The following NECAB2 variants were observed in gnomAD, a reference collection of about 807,000 sequenced individuals.
NECAB2 encodes the protein N-terminal EF-hand calcium-binding protein 2.
In NECAB2, 68 loss-of-function variants were observed where a neutral mutation model predicts 51.9. The observed-to-expected ratio is 1.31, with a 90% confidence interval of 1.08 to 1.60. The LOEUF is 1.60. Ranked by LOEUF, NECAB2 falls within the 40% of genes most tolerant of loss-of-function variation. The probability of loss-of-function intolerance (pLI) is 0.00; values close to 1 mark genes in which losing one functional copy is unlikely to be tolerated. For missense variants in NECAB2, 854 were observed against 490.3 expected (o/e 1.74, Z -7.00); for synonymous variants, 329 against 203.5 (o/e 1.62, Z -5.25).
Position 84,001,882 on chromosome 16 carries a change from C to T in NECAB2, c.1098C>T (p.Ser366=), listed in dbSNP as rs2084844306. ...AFRHVKVDTL[S]QPEALSRILV... is the part of the protein sequence containing the mutation. The stretch of plus-strand genomic sequence containing the variant: ...GGCACGTCAAGGTGGACACACTGAG[C>T]CAGCCTGAGGCCCTCTCCAGGATCT... Residue 366 remains serine, a synonymous_variant, in exon 12 of 13, where the codon AGC becomes AGT. Coordinates refer to ENST00000305202, the MANE Select transcript of NECAB2 (RefSeq NM_019065.3). 6.2e-7 allele frequency: 1 copy of T among 1,614,056 alleles called. No homozygotes were observed. Among genetic ancestry groups the T allele is most frequent in the Non-Finnish European group, 8.5e-7 (1 of 1,179,928 alleles).
intron 11 of NECAB2, among the ~76,000 whole-genome samples, chr16:84,001,094 T>A (rs1367127156): frequency 1.3e-5 from 2 of 152,088 alleles, no homozygotes; most frequent in African/African-American, 4.8e-5. Context: ...GCCGAGGCAC[T>A]GCCTTCTTTA....
upstream of NECAB2, chr16:83,965,307 C>T (rs749155699): frequency 6.9e-6 from 11 of 1,591,404 alleles, no homozygotes; most frequent in African/African-American, 1.3e-5. Context: ...GTGGTCCTCG[C>T]CACAGGCACG....
chr16:84,001,801 C>G (rs764210569), intron 11 of NECAB2, 24 bp from the exon 12 acceptor site: 12 of 1,613,236 alleles, frequency 7.4e-6, no homozygotes, highest in East Asian at 2.2e-5. Context: ...CCACCCCTGA[C>G]TCACACATGT....
At chr16:83,997,072 C>T (rs1355597834) in intron 8 of NECAB2, 144 bp from the exon 9 acceptor site, 2 of 818,094 alleles carry the variant, frequency 2.4e-6, no homozygotes, top group Admixed American at 2.6e-5. Flanking sequence ...GTCTCTGCCA[C>T]TTCCTAGCGT....
chr16:83,991,351 T>C (rs987891371), intron 6 of NECAB2, among the ~76,000 whole-genome samples: 21 of 145,282 alleles, frequency 1.4e-4, no homozygotes, highest in East Asian at 5.8e-4. Context: ...TTTTTCTATT[T>C]CCTTTTCTTT....
At chr16:83,999,215 T>C (rs1454267255) in intron 10 of NECAB2, among the ~76,000 whole-genome samples, 2 of 152,088 alleles carry the variant, frequency 1.3e-5, no homozygotes, top group African/African-American at 2.4e-5. Context: ...AGTGCGGCCG[T>C]TCCCGAGACT....
In NECAB2 at chr16:83,994,703, G is replaced by A. The variant is rs1229877814; in HGVS notation, c.795+15G>A. ...TGGAGAGCAAAGTAAGCCCTGGCCTGACCACGGCGTCTACTCCTTCCAACC... is the reference window on the plus strand; with the variant it reads ...TGGAGAGCAAAGTAAGCCCTGGCCTAACCACGGCGTCTACTCCTTCCAACC... On this transcript the variant is annotated intron_variant, in intron 8 of 12. Transcript: ENST00000305202. The A allele has an allele frequency of 6.2e-7, 1 of 1,613,752 alleles. No individual in the cohort carries two copies. The highest frequency in any genetic ancestry group is 1.7e-5 in the Admixed American group (1 of 60,012).
intron 8 of NECAB2, among the ~76,000 whole-genome samples, chr16:83,995,572 T>TA (rs1293148970): frequency 1.3e-5 from 2 of 152,224 alleles, no homozygotes; most frequent in Non-Finnish European, 2.9e-5. Flanking sequence ...AGCACACCCG[T>TA]ATACCCACAT....
Position 83,978,434 on chromosome 16 carries a change from T to G in NECAB2, c.227-10T>G. The G allele has an allele frequency of 6.2e-7, 1 of 1,611,360 alleles. No homozygotes were observed. Among genetic ancestry groups the G allele is most frequent in the Non-Finnish European group, 8.5e-7 (1 of 1,177,766 alleles). On this transcript the variant is annotated splice_polypyrimidine_tract_variant and intron_variant, in intron 2 of 12. Transcript: ENST00000305202. ...GACACCAGCTCCTTTCTCTGCTTCC[T>G]TCCTTGCAGATGATGGGAAGCTGTC... is the stretch of plus-strand genomic sequence containing the variant.
rs776044454 is a variant in NECAB2, at chr16:84,001,936, A to T, written c.1132+20A>T. The stretch of plus-strand genomic sequence containing the variant: ...TGCCAGGTAGGGGGCAAAGGCCTGG[A>T]ACTGCAGTGGCCACCTGACTGGAGA... On this transcript the variant is annotated intron_variant, in intron 12 of 12. Transcript: ENST00000305202. 185 of 1,611,086 alleles carry T rather than the reference A, an allele frequency of 1.1e-4. No homozygotes were observed. The highest frequency in any genetic ancestry group is 1.6e-4 in the Non-Finnish European group (184 of 1,178,192).
At chr16:84,000,447 C>T (rs1449563516) in intron 10 of NECAB2, among the ~76,000 whole-genome samples, 1 of 152,206 alleles carries the variant, frequency 6.6e-6, no homozygotes, top group East Asian at 1.9e-4. Flanking sequence ...TGTGCCACTG[C>T]ACTCCAGCCT....
At chr16:83,973,220 C>T (rs1709862884) in intron 2 of NECAB2, among the ~76,000 whole-genome samples, 1 of 152,228 alleles carries the variant, frequency 6.6e-6, no homozygotes, top group Admixed American at 6.5e-5. Context: ...GCCTCTGGCC[C>T]CGGTTCCTCT....
intron 11 of NECAB2, among the ~76,000 whole-genome samples, chr16:84,001,027 C>T (rs1358808947): frequency 6.6e-6 from 1 of 152,112 alleles, no homozygotes; most frequent in African/African-American, 2.4e-5. Flanking sequence ...TTCCTGCTTT[C>T]CCCAGGGTTG....
chr16:83,995,273 C>T (rs1446854516), intron 8 of NECAB2, among the ~76,000 whole-genome samples: 1 of 152,116 alleles, frequency 6.6e-6, no homozygotes, highest in Non-Finnish European at 1.5e-5. Flanking sequence ...TGTCTTAGGG[C>T]CTACAGACAG....
intron 3 of NECAB2, among the ~76,000 whole-genome samples, chr16:83,979,092 A>G (rs1339089465): frequency 2.0e-5 from 3 of 152,110 alleles, no homozygotes; most frequent in Non-Finnish European, 2.9e-5. Context: ...GTCTCCACCC[A>G]TCTCTAAATC....
intron 10 of NECAB2, among the ~76,000 whole-genome samples, chr16:83,999,694 G>T (rs923751828): frequency 6.6e-6 from 1 of 152,046 alleles, no homozygotes; most frequent in African/African-American, 2.4e-5. Flanking sequence ...ACGTGAGTGC[G>T]GGCCCCTGGG....
At position 83,968,832 on chromosome 16, in the gene NECAB2, A is replaced by C; in HGVS notation, c.184A>C (p.Thr62Pro). Residue 62 changes from threonine (T) to proline (P), a missense_variant, in exon 1 of 13, where the codon ACC becomes CCC. Coordinates refer to ENST00000305202, the MANE Select transcript of NECAB2 (RefSeq NM_019065.3). ...CGGCCCAGCCTCGCCGCGCGGGGGCACCGCCGTCATCCTGGACGTGAGTAC... is the reference window on the plus strand; with the variant it reads ...CGGCCCAGCCTCGCCGCGCGGGGGCCCCGCCGTCATCCTGGACGTGAGTAC... ...DPGPASPRGG[T>P]AVILDIFRRA... is the part of the protein sequence containing the mutation. 7.3e-6 allele frequency: 8 copies of C among 1,101,642 alleles called. No homozygotes were observed. Among genetic ancestry groups the C allele is most frequent in the Non-Finnish European group, 7.7e-6 (7 of 906,936 alleles). The allele number at this position is 1,101,642 out of a possible 1,614,324, so 68.2% of individuals were successfully genotyped here. A position where few individuals can be genotyped will look rare whatever the true frequency, so the allele number is the denominator to read the frequency against.
At chr16:83,972,216 T>A (rs770879120) in intron 2 of NECAB2, 41 bp downstream of exon 2, 3 of 1,612,842 alleles carry the variant, frequency 1.9e-6, no homozygotes, top group African/African-American at 2.7e-5. Context: ...CCACTCCTTC[T>A]GTCCTCGTGC....
At chr16:83,999,312 G>A (rs530109860) in intron 10 of NECAB2, among the ~76,000 whole-genome samples, 1 of 152,324 alleles carries the variant, frequency 6.6e-6, no homozygotes, top group Non-Finnish European at 1.5e-5. Context: ...AGACTGCACA[G>A]GAGCAGGGGC....
Sources: allele counts gnomAD v4.1 joint callset (sites outside exome capture counted in the v4.1 genomes callset), GRCh38; gene constraint gnomAD v4.1.1; transcripts MANE v1.5; gene names NCBI Gene and HGNC (gene_info 2026-07-23, HGNC 2026-07-21).